CFAP74: variants seen among roughly 807,000 people sequenced by gnomAD.
The protein encoded by CFAP74 is cilia and flagella associated protein 74, also known as cilia- and flagella-associated protein 74.
CFAP74 carries 124 observed loss-of-function variants against 188.9 expected under a neutral mutation model. The ratio of observed to expected loss-of-function variants is 0.66; its 90% confidence interval spans 0.57 to 0.76. CFAP74 has a LOEUF of 0.76. CFAP74 is among the 30% of genes least tolerant of loss of function. The pLI is 0.00. For missense variants in CFAP74, 2,198 were observed against 2,165.2 expected, an observed-to-expected ratio of 1.02 and a Z score of -0.30; for synonymous variants, 956 against 916.7, an observed-to-expected ratio of 1.04 and a Z score of -0.77.
At chr1:1,957,289 T>C (rs1255602473) in intron 16 of CFAP74, among the ~76,000 whole-genome samples, 4 of 152,154 alleles carry the variant, frequency 2.6e-5, no homozygotes, top group Non-Finnish European at 4.4e-5. Context: ...CTCTGCCCAA[T>C]GGCCCCTCCT....
chr1:1,967,234 C>T (rs1052949470), intron 11 of CFAP74, among the ~76,000 whole-genome samples: 7 of 152,278 alleles, frequency 4.6e-5, no homozygotes, highest in South Asian at 2.1e-4. Flanking sequence ...AGTTTGGGGA[C>T]GGAGCCTTGC....
At position 1,925,799 on chromosome 1, in the gene CFAP74, A is replaced by G. The variant is rs773557755; in HGVS notation, c.4088T>C (p.Val1363Ala). Reference sequence around the variant, plus strand: ...GTGCTTCACCTTGAAGCCTGAGGACACAGACTCTCCGGCAATCACATAGCC... The same window carrying G: ...GTGCTTCACCTTGAAGCCTGAGGACGCAGACTCTCCGGCAATCACATAGCC... ...NMGYVIAGESVSSGFKLQNNS... is the reference protein window; with the variant it reads ...NMGYVIAGESASSGFKLQNNS... The change falls in exon 33 of 39, where the codon GTG (valine) becomes GCG (alanine). Residue 1363 changes from valine (V) to alanine (A), a missense_variant. Coordinates refer to ENST00000682832, the MANE Select transcript of CFAP74 (RefSeq NM_001304360.2). The G allele has an allele frequency of 1.2e-6, 2 of 1,612,420 alleles. No individual in the cohort carries two copies. The highest frequency in any genetic ancestry group is 1.1e-5 in the South Asian group (1 of 91,068).
In CFAP74 at chr1:1,927,752, G is replaced by T. The variant is rs545244581; in HGVS notation, c.3388-6C>A. Reference sequence around the variant, plus strand: ...GGGGCCATATTCTTTCGGAACTGTGGGGGGAGCGACTGGCTGTGGGGCTGT... The same window carrying T: ...GGGGCCATATTCTTTCGGAACTGTGTGGGGAGCGACTGGCTGTGGGGCTGT... On this transcript the variant is annotated splice_region_variant and splice_polypyrimidine_tract_variant and intron_variant, in intron 27 of 38. Coordinates refer to ENST00000682832, the MANE Select transcript of CFAP74 (RefSeq NM_001304360.2). The T allele has an allele frequency of 5.8e-6, 9 of 1,549,266 alleles. No homozygotes were observed. The highest frequency in any genetic ancestry group is 1.7e-4 in the Middle Eastern group (1 of 5,974).
chr1:1,946,406 T>C lies in CFAP74; in HGVS notation c.2275A>G (p.Ile759Val). The change falls in exon 20 of 39, where the codon ATC becomes GTC. Residue 759 changes from isoleucine (I) to valine (V), a missense_variant. Transcript: ENST00000682832. ...TEGEIGPFSS[I>V]KVPIVFTPVV... Reference sequence around the variant, plus strand: ...GGAGTGAAGACGATGGGCACCTTGATGGAGCTGAAGGGGCCAATTTCCCCT... The same window carrying C: ...GGAGTGAAGACGATGGGCACCTTGACGGAGCTGAAGGGGCCAATTTCCCCT... The C allele has an allele frequency of 6.5e-7, 1 of 1,537,080 alleles. No homozygotes were observed. Among genetic ancestry groups the C allele is most frequent in the Non-Finnish European group, 8.7e-7 (1 of 1,146,832 alleles).
chr1:1,941,452 C>A (rs1469818784), intron 22 of CFAP74, among the ~76,000 whole-genome samples: 1 of 152,198 alleles, frequency 6.6e-6, no homozygotes, highest in Non-Finnish European at 1.5e-5. Context: ...AAGCAGAGAC[C>A]AGGGGATGCA....
At position 2,001,307 on chromosome 1, in the gene CFAP74, TTTTTG is replaced by T. The variant is rs565866212; in HGVS notation, c.-20+2389_-20+2393del. 6.6e-5 allele frequency among the ~76,000 whole-genome samples: 10 copies of T among 151,904 alleles called. No homozygotes were observed. The South Asian group carries it at 2.1e-3, about 32-fold the overall frequency. On this transcript the variant is annotated intron_variant, in intron 1 of 38. Coordinates refer to ENST00000682832, the MANE Select transcript of CFAP74 (RefSeq NM_001304360.2). ...AAATACCTCCTACAAAATGCTTGTG[TTTTTG>T]TTTTGTTTTGTTTTTCATTTTGTTT...
At chr1:1,944,180 G>A (rs955328004) in intron 21 of CFAP74, among the ~76,000 whole-genome samples, 151 bp downstream of exon 21, 84 of 152,266 alleles carry the variant, frequency 5.5e-4, no homozygotes, top group African/African-American at 1.9e-3. Context: ...GGGGCTCACC[G>A]CGTGTGCACA....
At position 1,963,789 on chromosome 1, in the gene CFAP74, C is replaced by T. The variant is rs769548417; in HGVS notation, c.1654G>A (p.Val552Met). The change falls in exon 14 of 39, where the codon GTG becomes ATG. Residue 552 changes from valine to methionine, a missense_variant. Coordinates refer to ENST00000682832, the MANE Select transcript of CFAP74 (RefSeq NM_001304360.2). Reference protein sequence around the residue: ...TTYTINYCKLVGVEEHLRDFI... With the variant: ...TTYTINYCKLMGVEEHLRDFI... ...TCCCGGAGGTGCTCCTCCACGCCCA[C>T]CAGCTTGCAGTAGTTGATCGTGTAG... is the stretch of plus-strand genomic sequence containing the variant. The T allele has an allele frequency of 2.5e-6, 4 of 1,614,050 alleles. No homozygotes were observed. Among genetic ancestry groups the T allele is most frequent in the South Asian group, 1.1e-5 (1 of 91,060 alleles).
At chr1:1,939,888 C>G in intron 23 of CFAP74, 121 bp from the exon 24 acceptor site, 1 of 953,772 alleles carries the variant, frequency 1.0e-6, no homozygotes, top group South Asian at 1.6e-5. Context: ...TTCCAGGACA[C>G]GACGAGGCCG....
chr1:1,981,624 C>T lies in CFAP74; in HGVS notation c.500+3762G>A, dbSNP rs867429816. Among the ~76,000 whole-genome samples the T allele has an allele frequency of 1.2e-4, 9 of 77,532 alleles. No individual in the cohort carries two copies. The South Asian group carries it at 2.4e-3, about 21-fold the overall frequency. The allele number at this position is 77,532 out of a possible 152,430, so 50.9% of individuals were successfully genotyped here. A position where few individuals can be genotyped will look rare whatever the true frequency, so the allele number is the denominator to read the frequency against. ...CAGGACACACAGCCGCGGACAGACA[C>T]GGGGGCACGCAGGACACACAGCCGC... On this transcript the variant is annotated intron_variant, in intron 6 of 38. Coordinates refer to ENST00000682832, the MANE Select transcript of CFAP74 (RefSeq NM_001304360.2).
intron 1 of CFAP74, among the ~76,000 whole-genome samples, chr1:1,992,024 A>G (rs867646107): frequency 6.7e-6 from 1 of 149,778 alleles, no homozygotes; most frequent in Admixed American, 6.6e-5. Context: ...TGGGTGACAG[A>G]GCGAGACTCC....
Position 1,973,974 on chromosome 1 carries a change from GC to G in CFAP74, c.674+50del. On this transcript the variant is annotated intron_variant, in intron 7 of 38. Coordinates refer to ENST00000682832, the MANE Select transcript of CFAP74 (RefSeq NM_001304360.2). The surrounding 1 kb of genome is among the most constrained non-coding windows in gnomAD (Gnocchi z 6.2). ...GACCCCTGGGGGAGAGGGCGGAGGG[GC>G]TGGCAGAAGCTGCTGGGAAGGGATG... 6.8e-7 allele frequency: 1 copy of G among 1,464,094 alleles called. No homozygotes were observed. The highest frequency in any genetic ancestry group is 9.1e-7 in the Non-Finnish European group (1 of 1,098,840). 90.7% of individuals were successfully genotyped at this position (1,464,094 alleles called of 1,614,324 possible).
chr1:1,973,183 T>A lies in CFAP74; in HGVS notation c.675-136A>T. ...TCAGCTCTGTCCCGCACAGCCTCCCTTGGGGAGGAGCGAGGGTCCCTGGAG... is the reference window on the plus strand; with the variant it reads ...TCAGCTCTGTCCCGCACAGCCTCCCATGGGGAGGAGCGAGGGTCCCTGGAG... On this transcript the variant is annotated intron_variant, in intron 7 of 38. Transcript: ENST00000682832. The surrounding 1 kb of genome is among the most constrained non-coding windows in gnomAD (Gnocchi z 6.2). The A allele has an allele frequency of 1.6e-6, 1 of 634,762 alleles. No homozygotes were observed. Among genetic ancestry groups the A allele is most frequent in the Non-Finnish European group, 2.7e-6 (1 of 366,080 alleles). 39.3% of individuals were successfully genotyped at this position (634,762 alleles called of 1,614,324 possible). A position where few individuals can be genotyped will look rare whatever the true frequency, so the allele number is the denominator to read the frequency against.
intron 4 of CFAP74, chr1:1,988,005 G>A: frequency 2.3e-6 from 1 of 434,804 alleles, no homozygotes; most frequent in East Asian, 7.1e-5. Context: ...GTCTTGCTCT[G>A]TCACCCAGGC....
At chr1:1,981,199 T>G (rs1346328067) in intron 6 of CFAP74, among the ~76,000 whole-genome samples, 3 of 152,228 alleles carry the variant, frequency 2.0e-5, no homozygotes, top group Admixed American at 1.3e-4. Context: ...GCAGAGACCC[T>G]GCAACAATCC....
At chr1:1,939,084 G>T in intron 24 of CFAP74, 96 bp from the exon 25 acceptor site, 1 of 1,288,272 alleles carries the variant, frequency 7.8e-7, no homozygotes, top group Non-Finnish European at 1.1e-6. Context: ...AGATGAGTGT[G>T]ATCGTGTGTG....
At position 1,930,255 on chromosome 1, in the gene CFAP74, C is replaced by T. The variant is rs750605404; in HGVS notation, c.3093G>A (p.Thr1031=). 402 of 1,535,602 alleles carry T rather than the reference C, an allele frequency of 2.6e-4. No homozygotes were observed. Among genetic ancestry groups the T allele is most frequent in the Middle Eastern group, 1.2e-3 (7 of 5,980 alleles). The stretch of plus-strand genomic sequence containing the variant: ...TAGCCACGGAGGTGTCGTATAGGGC[C>T]GTGGCGGCAAACTTGATCTGGTAGT... ...LSHYQIKFAA[T]ALYDTSVATV... is the part of the protein sequence containing the mutation. The change falls in exon 26 of 39, where the codon ACG becomes ACA. Residue 1031 remains threonine (T), a synonymous_variant. Coordinates refer to ENST00000682832, the MANE Select transcript of CFAP74 (RefSeq NM_001304360.2).
chr1:1,925,704 G>A (rs1003840106), intron 33 of CFAP74, 79 bp downstream of exon 33: 14 of 1,502,328 alleles, frequency 9.3e-6, no homozygotes, highest in African/African-American at 2.8e-5. Flanking sequence ...GGTCACTTTT[G>A]ACAGCTGGCC....
chr1:1,995,559 T>TA (rs1316383885), intron 1 of CFAP74, among the ~76,000 whole-genome samples: 1 of 149,908 alleles, frequency 6.7e-6, no homozygotes, highest in Non-Finnish European at 1.5e-5. Flanking sequence ...AAAACCTAAG[T>TA]AAAAATATAG....
Sources: gnomAD v4.1 joint callset for allele counts (sites outside exome capture counted in the v4.1 genomes callset) on GRCh38, gnomAD v4.1.1 for gene constraint, Gnocchi (gnomAD v3.1) non-coding constraint, MANE v1.5 for transcripts, NCBI Gene and HGNC (gene_info 2026-07-23, HGNC 2026-07-21) for gene names.